Variants in ANO4 observed in about 807,000 individuals in gnomAD.
ANO4 encodes the protein anoctamin-4.
Under a neutral mutation model 141.9 loss-of-function variants are expected in ANO4, and 69 were observed. That is an observed-to-expected ratio of 0.49 (90% CI 0.40 to 0.59). The LOEUF is 0.59. Among genes scored for constraint, ANO4 ranks in the 20% least tolerant of loss-of-function variants. ANO4 has a pLI of 0.00. For synonymous variants in ANO4, 350 were observed against 394.3 expected (o/e 0.89, Z 1.33); for missense variants, 894 against 1,162.2 (o/e 0.77, Z 3.36).
At chr12:100,997,472 T>C (rs1348608302) in intron 8 of ANO4, among the ~76,000 whole-genome samples, 1 of 151,914 alleles carries the variant, frequency 6.6e-6, no homozygotes, top group Non-Finnish European at 1.5e-5. Context: ...TCTGATTTCC[T>C]TTGGAATTTA....
chr12:100,938,398 A>G (rs2042373788), intron 3 of ANO4, among the ~76,000 whole-genome samples: 1 of 152,248 alleles, frequency 6.6e-6, no homozygotes, highest in Non-Finnish European at 1.5e-5. Context: ...GAATGAAAGA[A>G]TGAATACTGT....
intron 15 of ANO4, among the ~76,000 whole-genome samples, chr12:101,080,210 G>A (rs533093840): frequency 3.9e-5 from 6 of 152,172 alleles, no homozygotes; most frequent in South Asian, 2.1e-4. Context: ...AAATATGAAC[G>A]ATGTGAATTT....
chr12:100,911,907 T>C (rs1368610293), intron 2 of ANO4, among the ~76,000 whole-genome samples: 2 of 152,218 alleles, frequency 1.3e-5, no homozygotes, highest in Admixed American at 6.5e-5. Flanking sequence ...ATCATAATAC[T>C]GCAACCCTAC....
intron 1 of ANO4, among the ~76,000 whole-genome samples, chr12:100,899,363 T>TA (rs2040486543): frequency 6.6e-6 from 1 of 152,158 alleles, no homozygotes; most frequent in Non-Finnish European, 1.5e-5. Context: ...ACAGGAACAC[T>TA]AGCGTGAAAA....
At chr12:100,929,977 C>T (rs1481173686) in intron 3 of ANO4, among the ~76,000 whole-genome samples, 1 of 152,050 alleles carries the variant, frequency 6.6e-6, no homozygotes, top group East Asian at 1.9e-4. Flanking sequence ...TTCTGTGTCT[C>T]CTTCTGAGAA....
At chr12:101,104,655 AT>A (rs1566254911) in intron 22 of ANO4, among the ~76,000 whole-genome samples, 6 of 63,274 alleles carry the variant, frequency 9.5e-5, no homozygotes, top group African/African-American at 4.6e-4. Context: ...ATATATATAT[AT>A]ATATATATAT....
intron 1 of ANO4, among the ~76,000 whole-genome samples, chr12:100,847,181 C>G (rs923998783): frequency 3.3e-5 from 5 of 152,212 alleles, no homozygotes; most frequent in South Asian, 2.1e-4. Context: ...CTTCATTGTA[C>G]TTATCACAGT....
chr12:100,753,432 C>CAGA (rs1175499028), intron 3 of ANO4, among the ~76,000 whole-genome samples: 6 of 152,142 alleles, frequency 3.9e-5, no homozygotes, highest in Non-Finnish European at 8.8e-5. Context: ...GAATATTTAT[C>CAGA]TGAAAGAGAC....
rs1162177922 is a variant in ANO4, at chr12:100,942,507, G to A, written c.428G>A (p.Arg143Lys). The change falls in exon 5 of 28, where the codon AGA (arginine) becomes AAA (lysine). Residue 143 changes from arginine to lysine, a missense_variant. By Grantham distance (26) the Arg-to-Lys change is conservative. This residue lies in a region of ANO4 where 257 missense variants were observed against 253.0 expected (regional missense o/e 1.02). Transcript: ENST00000392977. The part of the protein sequence containing the change: ...EKREVFERNI[R>K]AEGLQMEKES... ...AGAGAAGTATTTGAAAGAAACATTAGAGCAGAAGGATTGCAAATGGAGAAA... is the reference window on the plus strand; with the variant it reads ...AGAGAAGTATTTGAAAGAAACATTAAAGCAGAAGGATTGCAAATGGAGAAA... 11 of 1,613,848 alleles carry A rather than the reference G, an allele frequency of 6.8e-6. No individual in the cohort carries two copies. The highest frequency in any genetic ancestry group is 7.6e-6 in the Non-Finnish European group (9 of 1,179,934).
chr12:100,886,804 G>T (rs1362645627), intron 1 of ANO4, among the ~76,000 whole-genome samples: 1 of 152,042 alleles, frequency 6.6e-6, no homozygotes, highest in Non-Finnish European at 1.5e-5. Flanking sequence ...AATAAATTAT[G>T]CTCTGGCTCT....
At chr12:101,011,318 C>CT (rs59483191) in intron 8 of ANO4, among the ~76,000 whole-genome samples, 29,158 of 110,526 alleles carry the variant, frequency 0.26, 3,737 homozygotes, top group East Asian at 0.41. Flanking sequence ...GGCCTTTTTT[C>CT]TTTTTTTTTT....
At chr12:100,782,338 G>A (rs966457768) in intron 3 of ANO4, among the ~76,000 whole-genome samples, 5 of 152,020 alleles carry the variant, frequency 3.3e-5, no homozygotes, top group Admixed American at 6.6e-5. Flanking sequence ...CTCTCCTTAC[G>A]TTTTACTTCT....
At chr12:100,919,483 A>G (rs1464983933) in intron 2 of ANO4, among the ~76,000 whole-genome samples, 1 of 152,190 alleles carries the variant, frequency 6.6e-6, no homozygotes, top group Non-Finnish European at 1.5e-5. Flanking sequence ...GTGCAGTAAC[A>G]TGCTGTACAG....
intron 14 of ANO4, among the ~76,000 whole-genome samples, chr12:101,049,577 GGAT>G (rs2047776303): frequency 6.6e-6 from 1 of 151,540 alleles, no homozygotes; most frequent in Non-Finnish European, 1.5e-5. Flanking sequence ...ATGGATGGAT[GGAT>G]GGATGGAAGG....
chr12:100,937,126 A>G (rs2136158292), intron 3 of ANO4, among the ~76,000 whole-genome samples: 1 of 152,304 alleles, frequency 6.6e-6, no homozygotes, highest in South Asian at 2.1e-4. Context: ...CCAGAACCAT[A>G]GAATGTTAGA....
At chr12:100,756,347 A>C (rs938338767) in intron 3 of ANO4, among the ~76,000 whole-genome samples, 2 of 152,100 alleles carry the variant, frequency 1.3e-5, no homozygotes, top group South Asian at 4.1e-4. Flanking sequence ...TATGTATAGA[A>C]CATTATTTAT....
intron 26 of ANO4, among the ~76,000 whole-genome samples, chr12:101,121,768 T>G (rs2137061650): frequency 6.7e-6 from 1 of 148,814 alleles, no homozygotes; most frequent in East Asian, 2.0e-4. Flanking sequence ...TTTTTTTTTT[T>G]TTTTTTTTTT....
intron 3 of ANO4, among the ~76,000 whole-genome samples, chr12:100,763,856 A>G (rs1304287745): frequency 6.6e-6 from 1 of 152,126 alleles, no homozygotes; most frequent in Non-Finnish European, 1.5e-5. Context: ...TTACTCCCAT[A>G]GTCACATGGA....
At chr12:101,063,179 C>A (rs2048424722) in intron 14 of ANO4, among the ~76,000 whole-genome samples, 1 of 152,160 alleles carries the variant, frequency 6.6e-6, no homozygotes, top group African/African-American at 2.4e-5. Context: ...GAGACAGTGC[C>A]CTAGCCTGCT....
Sources: allele counts gnomAD v4.1 joint callset (sites outside exome capture counted in the v4.1 genomes callset), GRCh38; gene constraint gnomAD v4.1.1; regional missense constraint gnomAD v4.1.1; transcripts MANE v1.5; gene names NCBI Gene and HGNC (gene_info 2026-07-23, HGNC 2026-07-21).